The following PRPF6 variants were observed in gnomAD, a reference collection of about 807,000 sequenced individuals.
PRPF6 encodes pre-mRNA-processing factor 6.
In PRPF6, 42 loss-of-function variants were observed where a neutral mutation model predicts 118.3. The observed-to-expected ratio is 0.35, with a 90% CI of 0.28 to 0.46. PRPF6 has a LOEUF of 0.46. Among genes scored for constraint, PRPF6 ranks in the 20% least tolerant of loss-of-function variants. PRPF6 has a pLI of 1.00. For synonymous variants in PRPF6, 481 were observed against 485.1 expected, an observed-to-expected ratio of 0.99 and a Z score of 0.11; for missense variants, 662 against 1,255.7, an observed-to-expected ratio of 0.53 and a Z score of 7.15.
chr20:64,010,795 G>A (rs762009250), intron 10 of PRPF6, among the ~76,000 whole-genome samples: 4 of 152,212 alleles, frequency 2.6e-5, no homozygotes, highest in Non-Finnish European at 4.4e-5. Context: ...TACCTAGTAT[G>A]TCTTTAATTA....
In PRPF6 at chr20:64,027,797, G is replaced by A. The variant is rs113426240; in HGVS notation, c.2339+61G>A. ...CAGCTTCCCCATCAGGTGGGCCGCC[G>A]TCACCCAGCTGCTTGTGTGGAGTCA... On this transcript the variant is annotated intron_variant, in intron 17 of 20. Transcript: ENST00000266079. The surrounding 1 kb of genome is among the most constrained non-coding windows in gnomAD (Gnocchi z 6.5). The A allele has an allele frequency of 3.4e-5, 54 of 1,606,546 alleles. No individual in the cohort carries two copies. Among genetic ancestry groups the A allele is most frequent in the African/African-American group, 3.3e-4 (25 of 74,848 alleles).
chr20:64,011,608 G>T lies in PRPF6; in HGVS notation c.1524+105G>T, dbSNP rs1239511636. On this transcript the variant is annotated intron_variant, in intron 11 of 20. Transcript: ENST00000266079. This position sits in a 1 kb window ranked among gnomAD's most constrained non-coding sequence, Gnocchi z 6.7. ...TTGCTGGATGGTACTGGGGAGTCCT[G>T]TGCCAAACCAGAAGCAGGCACAGGT... The T allele has an allele frequency of 1.5e-6, 2 of 1,294,756 alleles. No homozygotes were observed. The highest frequency in any genetic ancestry group is 1.5e-5 in the African/African-American group (1 of 67,986). 80.2% of individuals were successfully genotyped at this position (1,294,756 alleles called of 1,614,324 possible). A position where few individuals can be genotyped will look rare whatever the true frequency, so the allele number is the denominator to read the frequency against.
chr20:64,011,454 C>A lies in PRPF6; in HGVS notation c.1475C>A (p.Thr492Asn). 6.2e-7 allele frequency: 1 copy of A among 1,614,100 alleles called. No homozygotes were observed. The highest frequency in any genetic ancestry group is 1.1e-5 in the South Asian group (1 of 91,066). The change falls in exon 11 of 21, where the codon ACC (threonine) becomes AAC (asparagine). Residue 492 changes from threonine to asparagine, a missense_variant. Transcript: ENST00000266079. The surrounding 1 kb of genome is among the most constrained non-coding windows in gnomAD (Gnocchi z 6.7). ...MVEKIIDRAITSLRANGVEIN... is the reference protein window; with the variant it reads ...MVEKIIDRAINSLRANGVEIN... ...GAGAAGATCATCGACCGAGCCATCA[C>A]CTCGCTGCGGGCCAACGGTGTGGAG...
Position 64,033,058 on chromosome 20 carries a change from C to G in PRPF6, c.*65C>G, listed in dbSNP as rs1279109699. On this transcript the variant is annotated 3_prime_UTR_variant, in exon 21 of 21. Coordinates refer to ENST00000266079, the MANE Select transcript of PRPF6 (RefSeq NM_012469.4). ...GGGCCGCATGTGGAAGGGCTCTGAG[C>G]TGTGTCCTCCTTCATTAAAAGTTTT... 19 of 1,598,868 alleles carry G rather than the reference C, an allele frequency of 1.2e-5. No homozygotes were observed. In the East Asian group the frequency reaches 4.3e-4, roughly 36 times the overall value.
At chr20:64,019,673 G>A (rs1039301860) in intron 12 of PRPF6, among the ~76,000 whole-genome samples, 1 of 152,190 alleles carries the variant, frequency 6.6e-6, no homozygotes, top group Non-Finnish European at 1.5e-5. Context: ...TCACAGAGAG[G>A]GGCATAGACC....
chr20:64,022,107 T>C (rs1206667062), intron 12 of PRPF6, among the ~76,000 whole-genome samples: 1 of 152,264 alleles, frequency 6.6e-6, no homozygotes, highest in Non-Finnish European at 1.5e-5. Flanking sequence ...TGTGCACCTC[T>C]CGCAGGCCAA....
At chr20:63,989,547 T>G (rs970278381) in intron 3 of PRPF6, among the ~76,000 whole-genome samples, 4 of 151,366 alleles carry the variant, frequency 2.6e-5, no homozygotes, top group Non-Finnish European at 5.9e-5. Flanking sequence ...AGTTAACATT[T>G]TGGCTCATTT....
rs2059296887 is a variant in PRPF6, at chr20:64,027,634, G to A, written c.2237G>A (p.Trp746Ter). The change falls in exon 17 of 21, where the codon TGG becomes TAG. Residue 746 changes from tryptophan to a stop codon, truncating the protein, a stop_gained. Transcript: ENST00000266079. LOFTEE classifies it high-confidence loss of function. The surrounding 1 kb of genome is among the most constrained non-coding windows in gnomAD (Gnocchi z 6.5). Reference sequence around the variant, plus strand: ...AAGTGTCCCCACTCCACACCCCTGTGGCTTTTGCTCTCTCGGCTGGAGGAG... The same window carrying A: ...AAGTGTCCCCACTCCACACCCCTGTAGCTTTTGCTCTCTCGGCTGGAGGAG... ...LKKCPHSTPL[W>*]LLLSRLEEKI... 7 of 1,614,146 alleles carry A rather than the reference G, an allele frequency of 4.3e-6. No individual in the cohort carries two copies. Among genetic ancestry groups the A allele is most frequent in the Non-Finnish European group, 5.1e-6 (6 of 1,180,036 alleles).
intron 14 of PRPF6, among the ~76,000 whole-genome samples, chr20:64,025,215 G>A (rs2059283502): frequency 1.3e-5 from 2 of 152,142 alleles, no homozygotes; most frequent in Non-Finnish European, 2.9e-5. Context: ...AGAGGGGACT[G>A]GCCTGGGTTT....
At chr20:63,983,468 C>G (rs1467361160) in intron 2 of PRPF6, among the ~76,000 whole-genome samples, 1 of 129,040 alleles carries the variant, frequency 7.7e-6, no homozygotes, top group African/African-American at 3.0e-5. Context: ...ATTGCCCAGT[C>G]TTTTTTTTTT....
chr20:63,994,564 G>A (rs1383333549), intron 4 of PRPF6, among the ~76,000 whole-genome samples: 1 of 152,180 alleles, frequency 6.6e-6, no homozygotes. Context: ...AGGATCACTT[G>A]AGCCCAGGAG....
At chr20:64,031,825 G>A (rs2059316000) in intron 19 of PRPF6, 93 bp from the exon 20 acceptor site, 2 of 1,569,706 alleles carry the variant, frequency 1.3e-6, no homozygotes, top group African/African-American at 2.7e-5. Context: ...CTGCGGGTCA[G>A]GGATGAAGCT....
intron 6 of PRPF6, 60 bp from the exon 7 acceptor site, chr20:63,998,985 G>A (rs919325627): frequency 4.4e-5 from 57 of 1,307,696 alleles, no homozygotes; most frequent in Middle Eastern, 4.2e-4. Context: ...GGGACCCTCT[G>A]AGAACTTTGT....
chr20:63,999,462 G>T, intron 7 of PRPF6, 141 bp from the exon 8 acceptor site: 1 of 1,176,650 alleles, frequency 8.5e-7, no homozygotes. Flanking sequence ...GCGCACTGAG[G>T]TTTTGAGTTG....
chr20:63,982,431 A>G (rs1026805649), intron 1 of PRPF6, among the ~76,000 whole-genome samples: 1 of 152,160 alleles, frequency 6.6e-6, no homozygotes, highest in African/African-American at 2.4e-5. Context: ...CCGTCTCCCA[A>G]AGTGCTGGGA....
intron 6 of PRPF6, among the ~76,000 whole-genome samples, chr20:63,998,390 G>C (rs1359779663): frequency 6.6e-6 from 1 of 151,682 alleles, no homozygotes; most frequent in Non-Finnish European, 1.5e-5. Flanking sequence ...ACCACGCCTG[G>C]TCAAAAATTA....
rs1018095859 is a variant in PRPF6 at position 64,029,001 on chromosome 20, C to G, written c.2432-376C>G. On this transcript the variant is annotated intron_variant, in intron 18 of 20. Transcript: ENST00000266079. This position sits in a 1 kb window ranked among gnomAD's most constrained non-coding sequence, Gnocchi z 4.8. ...TGGCCAACATGGTGAAACCCCGTCT[C>G]TACTAAAATACAAAAATGAGCTGGG... 7.2e-5 allele frequency among the ~76,000 whole-genome samples: 11 copies of G among 152,102 alleles called. No homozygotes were observed. Among genetic ancestry groups the G allele is most frequent in the African/African-American group, 2.7e-4 (11 of 41,418 alleles).
At chr20:64,030,319 C>T (rs146463085) in intron 19 of PRPF6, among the ~76,000 whole-genome samples, 2 of 152,268 alleles carry the variant, frequency 1.3e-5, no homozygotes, top group Admixed American at 6.5e-5. Context: ...GCAGAGGTGG[C>T]GTGTCTGGCC....
rs368728762 is a variant in PRPF6 at position 63,995,320 on chromosome 20, C to T, written c.616-7C>T. ...TTTATTCTTGCCTTTCCTCTCTTCC[C>T]CTCCAGCAATTTGGAGGTCTTAACA... On this transcript the variant is annotated splice_region_variant and splice_polypyrimidine_tract_variant and intron_variant, in intron 5 of 20. Coordinates refer to ENST00000266079, the MANE Select transcript of PRPF6 (RefSeq NM_012469.4). 1.3e-5 allele frequency: 21 copies of T among 1,608,462 alleles called. No homozygotes were observed. In the African/African-American group the frequency reaches 2.7e-4, roughly 20 times the overall value.
Sources: allele counts gnomAD v4.1 joint callset (sites outside exome capture counted in the v4.1 genomes callset), GRCh38; gene constraint gnomAD v4.1.1; non-coding constraint Gnocchi (gnomAD v3.1); transcripts MANE v1.5; gene names NCBI Gene and HGNC (gene_info 2026-07-23, HGNC 2026-07-21).